ODAD2: variants seen among roughly 807,000 people sequenced by gnomAD.
ODAD2 encodes the protein outer dynein arm-docking complex subunit 2.
Under a neutral mutation model 106.8 loss-of-function variants are expected in ODAD2, and 89 were observed. The ratio of observed to expected loss-of-function variants is 0.83; its 90% CI spans 0.70 to 0.99. The LOEUF (loss-of-function observed/expected upper bound fraction) is 0.99. Ranked by LOEUF, ODAD2 falls within the 50% of genes least tolerant of loss-of-function variation. The pLI, the probability that ODAD2 is intolerant of heterozygous loss-of-function variation, is 0.00. For synonymous variants in ODAD2, 404 were observed against 436.2 expected (o/e 0.93, Z 0.92); for missense variants, 1,168 against 1,238.5 (o/e 0.94, Z 0.85).
rs1214740475 is a variant in ODAD2, at chr10:27,859,032, C to T, written c.3021+1593G>A. 6.2e-5 allele frequency among the ~76,000 whole-genome samples: 9 copies of T among 145,546 alleles called. No individual in the cohort carries two copies. The East Asian group carries it at 1.8e-3, about 29-fold the overall frequency. On this transcript the variant is annotated intron_variant, in intron 19 of 19. Transcript: ENST00000305242. ...TATGCTATATGTCAGACATTTTTACCTGGCTACTTAAATTTTATAGTTTCT... is the reference window on the plus strand; with the variant it reads ...TATGCTATATGTCAGACATTTTTACTTGGCTACTTAAATTTTATAGTTTCT...
At chr10:27,957,769 T>C (rs1847836400) in intron 10 of ODAD2, among the ~76,000 whole-genome samples, 1 of 152,230 alleles carries the variant, frequency 6.6e-6, no homozygotes, top group Admixed American at 6.5e-5. Flanking sequence ...TGCCAAGATA[T>C]GAGCTCATAG....
At chr10:27,821,766 C>T (rs1836631392) in intron 19 of ODAD2, among the ~76,000 whole-genome samples, 2 of 152,104 alleles carry the variant, frequency 1.3e-5, no homozygotes, top group Admixed American at 1.3e-4. Context: ...TTTTTGGTAT[C>T]TATTTTTTTA....
At chr10:27,814,152 G>C (rs927041405) in intron 19 of ODAD2, among the ~76,000 whole-genome samples, 5 of 151,994 alleles carry the variant, frequency 3.3e-5, no homozygotes, top group Non-Finnish European at 1.5e-5. Flanking sequence ...CAAAATGGGG[G>C]AAAAAAGGGA....
At chr10:27,842,482 T>C (rs1838380073) in intron 19 of ODAD2, among the ~76,000 whole-genome samples, 1 of 152,226 alleles carries the variant, frequency 6.6e-6, no homozygotes, top group Non-Finnish European at 1.5e-5. Context: ...CTGATTACAA[T>C]AAATTAACAA....
At position 27,944,362 on chromosome 10, in the gene ODAD2, C is replaced by G. The variant is rs906233246; in HGVS notation, c.1603G>C (p.Gly535Arg). ...PQIRQNIVDLGGLPIMVNILD... is the reference protein window; with the variant it reads ...PQIRQNIVDLRGLPIMVNILD... The stretch of plus-strand genomic sequence containing the variant: ...ATATTCACCATAATTGGTAAGCCCC[C>G]AAGGTCAACAATATTCTGTCTGATT... The change falls in exon 12 of 20, where the codon GGG (glycine) becomes CGG (arginine). Residue 535 changes from glycine (G) to arginine (R), a missense_variant. Gly to Arg is a moderately radical substitution (Grantham distance 125, BLOSUM62 -2). Transcript: ENST00000305242. 3 of 1,613,850 alleles carry G rather than the reference C, an allele frequency of 1.9e-6. No individual in the cohort carries two copies. Among genetic ancestry groups the G allele is most frequent in the Admixed American group, 1.7e-5 (1 of 59,994 alleles).
At chr10:27,846,776 T>A (rs1838797687) in intron 19 of ODAD2, among the ~76,000 whole-genome samples, 1 of 148,936 alleles carries the variant, frequency 6.7e-6, no homozygotes, top group Admixed American at 6.7e-5. Context: ...CAAACTACCA[T>A]CAGAGAATAC....
At chr10:27,887,663 G>T (rs943528815) in intron 17 of ODAD2, among the ~76,000 whole-genome samples, 6 of 151,894 alleles carry the variant, frequency 4.0e-5, no homozygotes, top group African/African-American at 1.2e-4. Context: ...ATAGAAATTT[G>T]CAGCAGAAGG....
At chr10:27,989,346 T>C (rs1217841858) in intron 2 of ODAD2, among the ~76,000 whole-genome samples, 1 of 152,168 alleles carries the variant, frequency 6.6e-6, no homozygotes, top group Non-Finnish European at 1.5e-5. Context: ...AGTAAACATC[T>C]GGGGAATAAA....
At chr10:27,876,003 C>A (rs1841313020) in intron 17 of ODAD2, among the ~76,000 whole-genome samples, 1 of 152,136 alleles carries the variant, frequency 6.6e-6, no homozygotes, top group African/African-American at 2.4e-5. Context: ...GGGGGAGGGG[C>A]ACCCGCCATT....
intron 17 of ODAD2, among the ~76,000 whole-genome samples, chr10:27,892,358 T>C (rs1253244098): frequency 6.6e-6 from 1 of 152,242 alleles, no homozygotes; most frequent in Non-Finnish European, 1.5e-5. Context: ...TCTTGGGTTC[T>C]TGATAGACTA....
intron 17 of ODAD2, among the ~76,000 whole-genome samples, chr10:27,881,918 C>T (rs1430415761): frequency 4.6e-5 from 7 of 151,922 alleles, no homozygotes; most frequent in Non-Finnish European, 8.8e-5. Flanking sequence ...CACCTGTAAT[C>T]CTTTCGGGAG....
chr10:27,981,437 G>T lies in ODAD2; in HGVS notation c.936+29C>A. The T allele has an allele frequency of 2.1e-6, 3 of 1,461,758 alleles. No individual in the cohort carries two copies. In the South Asian group the frequency reaches 4.6e-5, roughly 22 times the overall value. 90.5% of individuals were successfully genotyped at this position (1,461,758 alleles called of 1,614,324 possible). A position where few individuals can be genotyped will look rare whatever the true frequency, so the allele number is the denominator to read the frequency against. On this transcript the variant is annotated intron_variant, in intron 7 of 19. Coordinates refer to ENST00000305242, the MANE Select transcript of ODAD2 (RefSeq NM_018076.5). ...TTGTAGTTTAGTAACATAATGCTAT[G>T]AAAGCTCAAAAGAAACCATAAAACT...
Position 27,940,807 on chromosome 10 carries a change from T to G in ODAD2, c.1744-2A>C, listed in dbSNP as rs1442690165. 1 of 1,611,372 alleles carries G rather than the reference T, an allele frequency of 6.2e-7. No individual in the cohort carries two copies. Among genetic ancestry groups the G allele is most frequent in the Admixed American group, 1.7e-5 (1 of 59,810 alleles). On this transcript the variant is annotated splice_acceptor_variant, in intron 12 of 19. Coordinates refer to ENST00000305242, the MANE Select transcript of ODAD2 (RefSeq NM_018076.5). LOFTEE classifies it high-confidence loss of function. ...ATGTGCACAGTCTAGTAGAGCAACC[T>G]ATAATAATAGATAAATCCAATGTTC...
intron 9 of ODAD2, among the ~76,000 whole-genome samples, chr10:27,962,385 C>A (rs1015307712): frequency 6.6e-6 from 1 of 152,206 alleles, no homozygotes; most frequent in African/African-American, 2.4e-5. Flanking sequence ...CACTGGACAG[C>A]TCAGATATTG....
intron 10 of ODAD2, among the ~76,000 whole-genome samples, chr10:27,959,850 G>GT (rs1848001375): frequency 6.6e-6 from 1 of 151,874 alleles, no homozygotes; most frequent in East Asian, 1.9e-4. Flanking sequence ...AATTTCAGAG[G>GT]TTTTCTGTAA....
At chr10:27,831,506 T>C (rs1052491420) in intron 19 of ODAD2, among the ~76,000 whole-genome samples, 3 of 152,200 alleles carry the variant, frequency 2.0e-5, no homozygotes, top group African/African-American at 7.2e-5. Flanking sequence ...CAAACCTAGC[T>C]AAATTTTATT....
intron 17 of ODAD2, chr10:27,904,457 C>G (rs1168717862): frequency 6.5e-6 from 1 of 152,690 alleles, no homozygotes; most frequent in South Asian, 2.1e-4. Context: ...ACCTGGGCGA[C>G]AGAGCGAGAC....
At chr10:27,912,339 T>C (rs949787651) in intron 16 of ODAD2, among the ~76,000 whole-genome samples, 1 of 152,092 alleles carries the variant, frequency 6.6e-6, no homozygotes, top group African/African-American at 2.4e-5. Flanking sequence ...ATCTCAGAAA[T>C]CAAACTGCCT....
chr10:27,849,370 G>A (rs1462656558), intron 19 of ODAD2, among the ~76,000 whole-genome samples: 1 of 151,238 alleles, frequency 6.6e-6, no homozygotes, highest in Non-Finnish European at 1.5e-5. Flanking sequence ...CTTGGACACA[G>A]GAAGGGGAAC....
Sources: gnomAD v4.1 joint callset for allele counts (sites outside exome capture counted in the v4.1 genomes callset) on GRCh38, gnomAD v4.1.1 for gene constraint, MANE v1.5 for transcripts, NCBI Gene and HGNC (gene_info 2026-07-23, HGNC 2026-07-21) for gene names.